Variants in PTPRG observed in about 807,000 individuals in gnomAD.
PTPRG encodes the protein receptor-type tyrosine-protein phosphatase gamma.
A neutral mutation model predicts 165.3 loss-of-function variants in PTPRG; 102 were observed. The ratio of observed to expected loss-of-function variants is 0.62; its 90% CI spans 0.53 to 0.73. The LOEUF (loss-of-function observed/expected upper bound fraction) is 0.73, where lower values mean the gene tolerates loss of function less well. Ranked by LOEUF, PTPRG falls within the 30% of genes least tolerant of loss-of-function variation. PTPRG has a pLI of 0.00. For synonymous variants in PTPRG, 675 were observed against 669.5 expected (o/e 1.01, Z -0.13); for missense variants, 1,866 against 1,861.4 (o/e 1.00, Z -0.05).
At chr3:62,000,793 G>A (rs533102234) in intron 3 of PTPRG, among the ~76,000 whole-genome samples, 2 of 152,166 alleles carry the variant, frequency 1.3e-5, no homozygotes, top group African/African-American at 4.8e-5. Context: ...CTGTCCAGGA[G>A]CTCCACCCTT....
chr3:62,123,009 A>G (rs1323752651), intron 5 of PTPRG, among the ~76,000 whole-genome samples: 1 of 152,200 alleles, frequency 6.6e-6, no homozygotes, highest in Non-Finnish European at 1.5e-5. Flanking sequence ...TCCGCTACTC[A>G]GTTCTTGGCA....
chr3:62,045,370 G>C (rs1700255775), intron 4 of PTPRG, among the ~76,000 whole-genome samples: 1 of 152,134 alleles, frequency 6.6e-6, no homozygotes, highest in African/African-American at 2.4e-5. Context: ...TACCCACTTG[G>C]AGGCTACAAA....
At chr3:61,875,321 T>C (rs1224515550) in intron 2 of PTPRG, among the ~76,000 whole-genome samples, 1 of 152,164 alleles carries the variant, frequency 6.6e-6, no homozygotes, top group African/African-American at 2.4e-5. Context: ...AGGAGGGCCC[T>C]GGTGCTGCCT....
intron 6 of PTPRG, among the ~76,000 whole-genome samples, chr3:62,146,442 C>T (rs1370903935): frequency 1.3e-5 from 2 of 152,192 alleles, no homozygotes; most frequent in East Asian, 1.9e-4. Flanking sequence ...CCCCACAGCA[C>T]TAGTTATTCA....
intron 2 of PTPRG, among the ~76,000 whole-genome samples, chr3:61,862,673 G>A (rs1390784526): frequency 1.3e-5 from 2 of 152,164 alleles, no homozygotes; most frequent in African/African-American, 2.4e-5. Flanking sequence ...GGGATTACAG[G>A]TGTAAGCCAC....
At chr3:61,823,191 T>G (rs1480868488) in intron 2 of PTPRG, among the ~76,000 whole-genome samples, 1 of 152,152 alleles carries the variant, frequency 6.6e-6, no homozygotes, top group Non-Finnish European at 1.5e-5. Flanking sequence ...CACAGGTTTG[T>G]TTGTTTGTTT....
chr3:62,035,539 T>C (rs1205688735), intron 4 of PTPRG, among the ~76,000 whole-genome samples: 1 of 152,226 alleles, frequency 6.6e-6, no homozygotes, highest in Non-Finnish European at 1.5e-5. Flanking sequence ...GAAATACAAG[T>C]ATTCCTGTTC....
chr3:61,806,002 C>G (rs1413032395), intron 2 of PTPRG, among the ~76,000 whole-genome samples: 1 of 152,072 alleles, frequency 6.6e-6, no homozygotes, highest in Non-Finnish European at 1.5e-5. Context: ...CAGCACAAAC[C>G]TCTGTCAGAT....
chr3:61,581,723 C>T (rs1700300418), intron 1 of PTPRG, among the ~76,000 whole-genome samples: 1 of 151,434 alleles, frequency 6.6e-6, no homozygotes, highest in African/African-American at 2.4e-5. Context: ...GATTCTCATG[C>T]CTCAGTCTCC....
intron 1 of PTPRG, among the ~76,000 whole-genome samples, chr3:61,572,259 T>A (rs1160407374): frequency 6.6e-6 from 1 of 152,188 alleles, no homozygotes; most frequent in Non-Finnish European, 1.5e-5. Flanking sequence ...TGTTTGTTTT[T>A]TAAACATGAA....
intron 5 of PTPRG, among the ~76,000 whole-genome samples, chr3:62,086,051 A>G (rs1473350002): frequency 6.6e-6 from 1 of 152,202 alleles, no homozygotes. Flanking sequence ...AATGATAAAT[A>G]TTTCAGTTTG....
chr3:61,767,322 TTC>T (rs1440141374), intron 2 of PTPRG, among the ~76,000 whole-genome samples: 3 of 151,324 alleles, frequency 2.0e-5, no homozygotes, highest in African/African-American at 7.2e-5. Context: ...GCATACCATT[TTC>T]TTTTACTCTC....
intron 2 of PTPRG, among the ~76,000 whole-genome samples, chr3:61,886,522 A>G (rs1423826964): frequency 1.3e-5 from 2 of 152,116 alleles, no homozygotes; most frequent in African/African-American, 2.4e-5. Flanking sequence ...CTGATGTTGG[A>G]TGGTCTACAA....
At chr3:62,122,000 A>G (rs1329940719) in intron 5 of PTPRG, among the ~76,000 whole-genome samples, 1 of 152,118 alleles carries the variant, frequency 6.6e-6, no homozygotes, top group Non-Finnish European at 1.5e-5. Context: ...ACAAAGCTGA[A>G]CTCTTCAGTT....
chr3:62,149,031 A>G lies in PTPRG; in HGVS notation c.683-8036A>G, dbSNP rs190675156. Among the ~76,000 whole-genome samples, 11 of 152,208 alleles carry G rather than the reference A, an allele frequency of 7.2e-5. No individual in the cohort carries two copies. In the South Asian group the frequency reaches 1.0e-3, roughly 14 times the overall value. On this transcript the variant is annotated intron_variant, in intron 6 of 29. Transcript: ENST00000474889. ...GAGACCTCGATTTCCCCATCACCCAATCATAACTTCAGTCTTGTGCCTGTT... is the reference window on the plus strand; with the variant it reads ...GAGACCTCGATTTCCCCATCACCCAGTCATAACTTCAGTCTTGTGCCTGTT...
intron 4 of PTPRG, among the ~76,000 whole-genome samples, chr3:62,008,701 C>T (rs981475514): frequency 6.6e-6 from 1 of 152,160 alleles, no homozygotes; most frequent in African/African-American, 2.4e-5. Context: ...GTCGGGGGTT[C>T]AGAATGAAAC....
intron 2 of PTPRG, among the ~76,000 whole-genome samples, chr3:61,870,007 C>A (rs1334547348): frequency 6.6e-6 from 1 of 152,058 alleles, no homozygotes; most frequent in Non-Finnish European, 1.5e-5. Context: ...GTCCCCTCCC[C>A]CTTCGACTTG....
In PTPRG at chr3:62,210,891, G is replaced by A. The variant is rs554130274; in HGVS notation, c.2155+6941G>A. ...TATTTATGTTATTGGTGAGGCTTCC[G>A]GTCATCAGTAGGCTATTAGCAGGAA... On this transcript the variant is annotated intron_variant, in intron 12 of 29. Transcript: ENST00000474889. This position sits in a 1 kb window ranked among gnomAD's most constrained non-coding sequence, Gnocchi z 4.1. 4.6e-5 allele frequency among the ~76,000 whole-genome samples: 7 copies of A among 152,092 alleles called. No individual in the cohort carries two copies. The highest frequency in any genetic ancestry group is 9.6e-5 in the African/African-American group (4 of 41,466).
chr3:61,745,022 G>T (rs1000322058), intron 1 of PTPRG, among the ~76,000 whole-genome samples: 1 of 140,588 alleles, frequency 7.1e-6, no homozygotes, highest in Non-Finnish European at 1.6e-5. Flanking sequence ...TCAGCTTTTT[G>T]ATCTTTCATG....
Sources: allele counts gnomAD v4.1 joint callset (sites outside exome capture counted in the v4.1 genomes callset), GRCh38; gene constraint gnomAD v4.1.1; non-coding constraint Gnocchi (gnomAD v3.1); transcripts MANE v1.5; gene names NCBI Gene and HGNC (gene_info 2026-07-23, HGNC 2026-07-21).